STXBP6: variants seen among roughly 807,000 people sequenced by gnomAD.
STXBP6 encodes the protein syntaxin-binding protein 6.
Under a neutral mutation model 26.9 loss-of-function variants are expected in STXBP6, and 21 were observed. The ratio of observed to expected loss-of-function variants is 0.78; its 90% CI spans 0.55 to 1.12. STXBP6 has a LOEUF of 1.12. Among genes scored for constraint, STXBP6 ranks in the 50% most tolerant of loss-of-function variants. The pLI, the probability that STXBP6 is intolerant of heterozygous loss-of-function variation, is 0.00. For synonymous variants in STXBP6, 97 were observed against 92.6 expected (o/e 1.05, Z -0.27); for missense variants, 232 against 257.9 (o/e 0.90, Z 0.69).
chr14:24,826,297 T>A (rs1436724949), intron 4 of STXBP6, among the ~76,000 whole-genome samples: 1 of 152,154 alleles, frequency 6.6e-6, no homozygotes, highest in Non-Finnish European at 1.5e-5. Flanking sequence ...TAGGGATTGG[T>A]CTAGTATCTA....
At chr14:24,881,664 A>G (rs2070360890) in intron 2 of STXBP6, among the ~76,000 whole-genome samples, 1 of 152,198 alleles carries the variant, frequency 6.6e-6, no homozygotes. Context: ...AAATCACATG[A>G]GGACTGTTCC....
At chr14:24,834,936 A>T (rs61976831) in intron 4 of STXBP6, among the ~76,000 whole-genome samples, 29,671 of 152,122 alleles carry the variant, frequency 0.2, 3,627 homozygotes, top group Admixed American at 0.36. Flanking sequence ...TTCTTCCATG[A>T]TACACATGAA....
intron 1 of STXBP6, among the ~76,000 whole-genome samples, chr14:25,040,659 G>C (rs1400521319): frequency 6.6e-6 from 1 of 152,178 alleles, no homozygotes; most frequent in Non-Finnish European, 1.5e-5. Context: ...TAATAGACTA[G>C]ATAGTGAAGG....
chr14:24,992,722 T>A (rs897855662), intron 1 of STXBP6, among the ~76,000 whole-genome samples: 1 of 152,162 alleles, frequency 6.6e-6, no homozygotes, highest in South Asian at 2.1e-4. Context: ...CAAGAACATA[T>A]GTATGTGCGA....
rs532232373 is a variant in STXBP6 at position 24,940,530 on chromosome 14, C to T, written c.154+34135G>A. On this transcript the variant is annotated intron_variant, in intron 2 of 5. Transcript: ENST00000323944. ...TGCTCAGCTGGCTTGATGCTGGAAG[C>T]CTCTTGACCTTTCACTAAATAGGCT... 1.1e-4 allele frequency among the ~76,000 whole-genome samples: 16 copies of T among 152,268 alleles called. No homozygotes were observed. In the East Asian group the frequency reaches 3.1e-3, roughly 29 times the overall value.
intron 1 of STXBP6, among the ~76,000 whole-genome samples, chr14:24,976,853 T>A (rs1046376507): frequency 4.9e-5 from 2 of 40,792 alleles, no homozygotes; most frequent in African/African-American, 8.4e-5. Flanking sequence ...CTGGGCGCTC[T>A]TTTTTTTTTT....
chr14:24,968,471 AAG>A (rs1388770993), intron 2 of STXBP6, among the ~76,000 whole-genome samples: 1 of 151,984 alleles, frequency 6.6e-6, no homozygotes, highest in Admixed American at 6.5e-5. Context: ...CTGAATTAGA[AAG>A]AGAGAAACAG....
At chr14:24,876,263 C>T (rs1423004087) in intron 2 of STXBP6, among the ~76,000 whole-genome samples, 1 of 152,162 alleles carries the variant, frequency 6.6e-6, no homozygotes, top group Non-Finnish European at 1.5e-5. Flanking sequence ...TTGCCTTGAC[C>T]TGGGATGAAT....
intron 2 of STXBP6, among the ~76,000 whole-genome samples, chr14:24,945,017 C>G (rs10483290): frequency 0.6 from 91,269 of 151,606 alleles, 28,150 homozygotes; most frequent in Middle Eastern, 0.74. Context: ...ATTCAACAAA[C>G]TGCTTATTAA....
At chr14:24,978,230 C>G (rs989360859) in intron 1 of STXBP6, among the ~76,000 whole-genome samples, 5 of 152,174 alleles carry the variant, frequency 3.3e-5, no homozygotes, top group African/African-American at 1.2e-4. Flanking sequence ...TCCTTTATAC[C>G]CACCAAATTA....
chr14:24,936,205 C>T (rs1195385765), intron 2 of STXBP6, among the ~76,000 whole-genome samples: 1 of 152,178 alleles, frequency 6.6e-6, no homozygotes, highest in Non-Finnish European at 1.5e-5. Flanking sequence ...CCAGACTCTA[C>T]TTGAACACTT....
At chr14:24,947,917 T>C (rs2073044932) in intron 2 of STXBP6, among the ~76,000 whole-genome samples, 1 of 152,220 alleles carries the variant, frequency 6.6e-6, no homozygotes, top group Non-Finnish European at 1.5e-5. Context: ...TCTACACAGA[T>C]TGATTTCTGC....
intron 2 of STXBP6, among the ~76,000 whole-genome samples, chr14:24,890,123 C>G (rs1363598419): frequency 1.3e-5 from 2 of 152,272 alleles, no homozygotes; most frequent in African/African-American, 4.8e-5. Context: ...GGATGACAAG[C>G]AGTCTGCTTC....
At chr14:24,868,076 A>G (rs1438898388) in intron 2 of STXBP6, among the ~76,000 whole-genome samples, 2 of 152,086 alleles carry the variant, frequency 1.3e-5, no homozygotes, top group African/African-American at 4.8e-5. Context: ...ACATGCTTAT[A>G]AAGTTCCAGC....
intron 4 of STXBP6, among the ~76,000 whole-genome samples, chr14:24,837,377 A>C (rs2068650821): frequency 6.6e-6 from 1 of 152,214 alleles, no homozygotes; most frequent in Non-Finnish European, 1.5e-5. Context: ...CGGGGGTAGA[A>C]TCATATCCAT....
At chr14:25,023,794 G>T (rs1296682965) in intron 1 of STXBP6, among the ~76,000 whole-genome samples, 1 of 151,910 alleles carries the variant, frequency 6.6e-6, no homozygotes, top group Admixed American at 6.6e-5. Context: ...GAATGCAATG[G>T]AATGCAACAA....
chr14:24,962,683 G>A (rs2073588940), intron 2 of STXBP6, among the ~76,000 whole-genome samples: 1 of 152,018 alleles, frequency 6.6e-6, no homozygotes, highest in South Asian at 2.1e-4. Context: ...GGTGGACTGG[G>A]GTTTTAAAAT....
intron 2 of STXBP6, among the ~76,000 whole-genome samples, chr14:24,945,069 C>A (rs1412727091): frequency 6.6e-6 from 1 of 150,434 alleles, no homozygotes; most frequent in Admixed American, 6.6e-5. Flanking sequence ...TTTTGTGTCT[C>A]CAAGGGCTCA....
chr14:25,041,154 C>G (rs1368876793), intron 1 of STXBP6, among the ~76,000 whole-genome samples: 1 of 151,990 alleles, frequency 6.6e-6, no homozygotes, highest in Non-Finnish European at 1.5e-5. Context: ...AACCCAGTCT[C>G]TACTAAAAAT....
Sources: allele counts gnomAD v4.1 joint callset (sites outside exome capture counted in the v4.1 genomes callset), GRCh38; gene constraint gnomAD v4.1.1; transcripts MANE v1.5; gene names NCBI Gene and HGNC (gene_info 2026-07-23, HGNC 2026-07-21).